Variants in ERF observed in about 807,000 individuals in gnomAD.
ERF encodes the protein ETS2 repressor factor, also known as ETS domain-containing transcription factor ERF.
ERF carries 10 observed loss-of-function variants against 41.6 expected under a neutral mutation model. The observed-to-expected ratio is 0.24, with a 90% confidence interval of 0.15 to 0.41. The LOEUF is 0.41. Among genes scored for constraint, ERF ranks in the 10% least tolerant of loss-of-function variants. The pLI is 1.00. For synonymous variants in ERF, 395 were observed against 342.4 expected (o/e 1.15, Z -1.70); for missense variants, 621 against 763.2 (o/e 0.81, Z 2.19).
intron 1 of ERF, among the ~76,000 whole-genome samples, chr19:42,252,798 C>T (rs2036466270): frequency 6.6e-6 from 1 of 152,122 alleles, no homozygotes; most frequent in African/African-American, 2.4e-5. Context: ...GGCCTTGGAG[C>T]CAGGAGCCAG....
intron 1 of ERF, chr19:42,254,487 C>G (rs78746287): frequency 0.02 from 3,142 of 153,382 alleles, 107 homozygotes; most frequent in African/African-American, 0.07. Flanking sequence ...GAGTCCCGGG[C>G]TCCCCACTCA....
rs866971412 is a variant in ERF, at chr19:42,253,719, T to A, written c.22+1259A>T. The A allele has an allele frequency of 1.8e-5, 6 of 333,264 alleles. No homozygotes were observed. The Admixed American group carries it at 2.0e-4, about 11-fold the overall frequency. 20.6% of individuals were successfully genotyped at this position (333,264 alleles called of 1,614,324 possible). On this transcript the variant is annotated intron_variant, in intron 1 of 3. Coordinates refer to ENST00000222329, the MANE Select transcript of ERF (RefSeq NM_006494.4). ...CGGGTCCCAATCCCCTGGCGCCGGA[T>A]CCCAGCTCGGAGCCCTTTAAGATTA...
chr19:42,254,871 C>G, intron 1 of ERF, 107 bp downstream of exon 1: 1 of 1,297,974 alleles, frequency 7.7e-7, no homozygotes, highest in Non-Finnish European at 1.0e-6. Context: ...TCCCCCAGAA[C>G]TGGGGATCAC....
In ERF at chr19:42,249,610, A is replaced by G; in HGVS notation, c.502T>C (p.Ser168Pro). 6.2e-7 allele frequency: 1 copy of G among 1,613,568 alleles called. No individual in the cohort carries two copies. Among genetic ancestry groups the G allele is most frequent in the Non-Finnish European group, 8.5e-7 (1 of 1,179,870 alleles). Residue 168 changes from serine (S) to proline (P), a missense_variant, in exon 4 of 4, where the codon TCT (serine) becomes CCT (proline). Transcript: ENST00000222329. This position sits in a 1 kb window ranked among gnomAD's most constrained non-coding sequence, Gnocchi z 8.6. ...ACAGCCGAGAAGAGGGAAGATGAAG[A>G]TGAAGAGCAGGCTGGTGGTGAGCGG... ...DPRSPPACSS[S>P]SSSLFSAVVA...
In ERF at chr19:42,248,994, GAGGA is replaced by G. The variant is rs763637628; in HGVS notation, c.1114_1117del (p.Ser372ProfsTer24). The G allele has an allele frequency of 6.2e-7, 1 of 1,609,204 alleles. No homozygotes were observed. Among genetic ancestry groups the G allele is most frequent in the Non-Finnish European group, 8.5e-7 (1 of 1,179,366 alleles). ...CGGCTGGAGCTTAAACTTGAATGGGGAGGAAGAAGAAGAAGAGGATGACGAGGCC... is the reference window on the plus strand; with the variant it reads ...CGGCTGGAGCTTAAACTTGAATGGGGAGAAGAAGAAGAGGATGACGAGGCC... On this transcript the variant is annotated frameshift_variant, in exon 4 of 4. Transcript: ENST00000222329. LOFTEE classifies it high-confidence loss of function. This position sits in a 1 kb window ranked among gnomAD's most constrained non-coding sequence, Gnocchi z 4.2.
In ERF at chr19:42,248,421, A is replaced by C. The variant is rs370544548; in HGVS notation, c.*44T>G. 94 of 1,417,554 alleles carry C rather than the reference A, an allele frequency of 6.6e-5. No homozygotes were observed. Among genetic ancestry groups the C allele is most frequent in the Admixed American group, 1.3e-4 (5 of 38,466 alleles). 87.8% of individuals were successfully genotyped at this position (1,417,554 alleles called of 1,614,324 possible). On this transcript the variant is annotated 3_prime_UTR_variant, in exon 4 of 4. Coordinates refer to ENST00000222329, the MANE Select transcript of ERF (RefSeq NM_006494.4). This position sits in a 1 kb window ranked among gnomAD's most constrained non-coding sequence, Gnocchi z 4.2. ...CATAGGGGGCTTAAGGCAGCAAAAG[A>C]AGCATGGGGGGTGCGGGGCACACAG...
rs562281233 is a variant in ERF, at chr19:42,248,680, T to A, written c.1432A>T (p.Met478Leu). Residue 478 changes from methionine (M) to leucine (L), a missense_variant, in exon 4 of 4, where the codon ATG becomes TTG. By Grantham distance (15) the Met-to-Leu change is conservative. Around this residue, in one of 3 missense-constraint regions of ERF, gnomAD observed 569 missense variants for 625.5 expected, o/e 0.91. Coordinates refer to ENST00000222329, the MANE Select transcript of ERF (RefSeq NM_006494.4). This position sits in a 1 kb window ranked among gnomAD's most constrained non-coding sequence, Gnocchi z 4.2. Reference protein sequence around the residue: ...PGEAPGASQCMPLKLRFKRRW... With the variant: ...PGEAPGASQCLPLKLRFKRRW... ...CGCTTAAAGCGTAGCTTGAGGGGCA[T>A]GCACTGGGATGCCCCGGGTGCCTCG... 6.2e-7 allele frequency: 1 copy of A among 1,608,852 alleles called. No individual in the cohort carries two copies. Among genetic ancestry groups the A allele is most frequent in the African/African-American group, 1.3e-5 (1 of 74,942 alleles).
intron 1 of ERF, among the ~76,000 whole-genome samples, chr19:42,254,081 A>AG (rs1461932682): frequency 1.5e-4 from 22 of 144,228 alleles, no homozygotes; most frequent in East Asian, 1.3e-3. Context: ...TCCGAGTGGG[A>AG]GGGGGAGTTA....
chr19:42,249,676 G>A lies in ERF; in HGVS notation c.436C>T (p.Pro146Ser). 6.2e-7 allele frequency: 1 copy of A among 1,601,514 alleles called. No homozygotes were observed. Among genetic ancestry groups the A allele is most frequent in the South Asian group, 1.1e-5 (1 of 89,312 alleles). ...PSGGSHFRFP[P>S]STPSEVLSPT... ...GACAGCACCTCGGAGGGCGTTGAGG[G>A]AGGGAAGCGGAAGTGGCTACCACCC... Residue 146 changes from proline to serine, a missense_variant, in exon 4 of 4, where the codon CCC (proline) becomes TCC (serine). By Grantham distance (74) the Pro-to-Ser change is moderately conservative (BLOSUM62 -1). This residue lies in a region of ERF where 569 missense variants were observed against 625.5 expected (regional missense o/e 0.91). Transcript: ENST00000222329. The surrounding 1 kb of genome is among the most constrained non-coding windows in gnomAD (Gnocchi z 8.6).
At position 42,250,718 on chromosome 19, in the gene ERF, G is replaced by A. The variant is rs1165692983; in HGVS notation, c.23-153C>T. ...GATCTGATTTAAGAGAAGACAGTGC[G>A]TGTCTGTCTGTCTGCATGTGAGGGG... On this transcript the variant is annotated intron_variant, in intron 1 of 3. Coordinates refer to ENST00000222329, the MANE Select transcript of ERF (RefSeq NM_006494.4). The surrounding 1 kb of genome is among the most constrained non-coding windows in gnomAD (Gnocchi z 5.1). Among the ~76,000 whole-genome samples, 1 of 152,194 alleles carries A rather than the reference G, an allele frequency of 6.6e-6. No individual in the cohort carries two copies. The highest frequency in any genetic ancestry group is 1.5e-5 in the Non-Finnish European group (1 of 68,020).
intron 1 of ERF, chr19:42,254,646 C>T (rs756761675): frequency 8.0e-5 from 20 of 248,478 alleles, no homozygotes; most frequent in Non-Finnish European, 1.2e-4. Flanking sequence ...ACGTCCCGGC[C>T]CCCAGAGTGC....
rs1184838115 is a variant in ERF at position 42,248,180 on chromosome 19, G to A, written c.*285C>T. On this transcript the variant is annotated 3_prime_UTR_variant, in exon 4 of 4. Transcript: ENST00000222329. This position sits in a 1 kb window ranked among gnomAD's most constrained non-coding sequence, Gnocchi z 4.2. ...CCTCAATTCAAATATAAATTCCCCA[G>A]AATGGAGGTGACCCCCTTAACTTCC... The A allele has an allele frequency of 1.1e-5, 4 of 365,218 alleles. No individual in the cohort carries two copies. The Admixed American group carries it at 1.8e-4, about 17-fold the overall frequency. The allele number at this position is 365,218 out of a possible 1,614,324, so 22.6% of individuals were successfully genotyped here. A position where few individuals can be genotyped will look rare whatever the true frequency, so the allele number is the denominator to read the frequency against.
intron 1 of ERF, among the ~76,000 whole-genome samples, chr19:42,251,795 G>C (rs938673329): frequency 3.3e-5 from 5 of 152,156 alleles, no homozygotes; most frequent in Non-Finnish European, 7.4e-5. Flanking sequence ...TGGGAATCCA[G>C]GGAATCAGTA....
At position 42,249,369 on chromosome 19, in the gene ERF, A is replaced by C. The variant is rs1234234314; in HGVS notation, c.743T>G (p.Phe248Cys). The part of the protein sequence containing the change: ...PRGGPEPLSP[F>C]PVSPLAGPGS... Reference sequence around the variant, plus strand: ...AGGACCGGCCAGAGGCGACACAGGGAAGGGGCTGAGGGGTTCAGGGCCACC... The same window carrying C: ...AGGACCGGCCAGAGGCGACACAGGGCAGGGGCTGAGGGGTTCAGGGCCACC... The change falls in exon 4 of 4, where the codon TTC becomes TGC. Residue 248 changes from phenylalanine (F) to cysteine (C), a missense_variant. By Grantham distance (205) the Phe-to-Cys change is radical. Around this residue, in one of 3 missense-constraint regions of ERF, gnomAD observed 569 missense variants for 625.5 expected, o/e 0.91. Coordinates refer to ENST00000222329, the MANE Select transcript of ERF (RefSeq NM_006494.4). The surrounding 1 kb of genome is among the most constrained non-coding windows in gnomAD (Gnocchi z 8.6). The C allele has an allele frequency of 1.9e-6, 3 of 1,576,218 alleles. No homozygotes were observed. The Admixed American group carries it at 5.6e-5, about 29-fold the overall frequency.
At position 42,247,736 on chromosome 19, in the gene ERF, C is replaced by T. The variant is rs2036351443; in HGVS notation, c.*729G>A. ...GCTTCCAGTTTGGTTTCAGGGCACCCCCTTCCCATCCCCCCACCCGCCTGC... is the reference window on the plus strand; with the variant it reads ...GCTTCCAGTTTGGTTTCAGGGCACCTCCTTCCCATCCCCCCACCCGCCTGC... On this transcript the variant is annotated 3_prime_UTR_variant, in exon 4 of 4. Transcript: ENST00000222329. The T allele has an allele frequency of 6.6e-6, 1 of 152,642 alleles. No individual in the cohort carries two copies. The highest frequency in any genetic ancestry group is 6.5e-5 in the Admixed American group (1 of 15,272). The allele number at this position is 152,642 out of a possible 1,614,324, so 9.5% of individuals were successfully genotyped here.
chr19:42,250,976 C>T lies in ERF; in HGVS notation c.23-411G>A, dbSNP rs1291144741. ...CTCCCATTCAGAGCCAGTTGCACCA[C>T]CCCAGCTCCTCGGATGTCCTCCTTA... On this transcript the variant is annotated intron_variant, in intron 1 of 3. Coordinates refer to ENST00000222329, the MANE Select transcript of ERF (RefSeq NM_006494.4). The surrounding 1 kb of genome is among the most constrained non-coding windows in gnomAD (Gnocchi z 5.1). Among the ~76,000 whole-genome samples, 3 of 152,168 alleles carry T rather than the reference C, an allele frequency of 2.0e-5. No individual in the cohort carries two copies. The highest frequency in any genetic ancestry group is 6.5e-5 in the Admixed American group (1 of 15,288).
chr19:42,255,005 G>A lies in ERF; in HGVS notation c.-6C>T, dbSNP rs925529296. 7.0e-7 allele frequency: 1 copy of A among 1,436,392 alleles called. No homozygotes were observed. Among genetic ancestry groups the A allele is most frequent in the Non-Finnish European group, 9.1e-7 (1 of 1,096,846 alleles). The allele number at this position is 1,436,392 out of a possible 1,614,324, so 89.0% of individuals were successfully genotyped here. Reference sequence around the variant, plus strand: ...GTGTCCGCCGGGGTCTTCATGCTGGGGGGCCCGGGGCGAAGCGCCCCGATT... The same window carrying A: ...GTGTCCGCCGGGGTCTTCATGCTGGAGGGCCCGGGGCGAAGCGCCCCGATT... On this transcript the variant is annotated 5_prime_UTR_variant, in exon 1 of 4. Coordinates refer to ENST00000222329, the MANE Select transcript of ERF (RefSeq NM_006494.4).
chr19:42,249,565 G>C lies in ERF; in HGVS notation c.547C>G (p.Arg183Gly), dbSNP rs587777006. ...FSAVVARRLG[R>G]GSVSDCSDGT... ...TCACTACAGTCACTGACTGAGCCTC[G>C]GCCCAGGCGGCGGGCCACCACAGCC... is the stretch of plus-strand genomic sequence containing the variant. The change falls in exon 4 of 4, where the codon CGA becomes GGA. Residue 183 changes from arginine to glycine, a missense_variant. Coordinates refer to ENST00000222329, the MANE Select transcript of ERF (RefSeq NM_006494.4). This position sits in a 1 kb window ranked among gnomAD's most constrained non-coding sequence, Gnocchi z 8.6. 1.9e-6 allele frequency: 3 copies of C among 1,613,500 alleles called. No individual in the cohort carries two copies. Among genetic ancestry groups the C allele is most frequent in the Non-Finnish European group, 2.5e-6 (3 of 1,179,966 alleles).
At chr19:42,253,796 T>TGGGGTGGGG (rs938241149) in intron 1 of ERF, 519 of 724,142 alleles carry the variant, frequency 7.2e-4, no homozygotes, top group Non-Finnish European at 7.7e-4. Context: ...GGGGTGGGAA[T>TGGGGTGGGG]GGGGTGGGGA....
Sources: allele counts gnomAD v4.1 joint callset (sites outside exome capture counted in the v4.1 genomes callset), GRCh38; gene constraint gnomAD v4.1.1; regional missense constraint gnomAD v4.1.1; non-coding constraint Gnocchi (gnomAD v3.1); transcripts MANE v1.5; gene names NCBI Gene and HGNC (gene_info 2026-07-23, HGNC 2026-07-21).